TEKTL1: variants seen among roughly 807,000 people sequenced by gnomAD.
TEKTL1 encodes tektin-like protein 1.
At chr19:15,010,913 A>C in the TEKTL1 span, 1 of 1,574,932 alleles carries the variant, frequency 6.3e-7, no homozygotes, top group South Asian at 1.2e-5. Context: ...GGCCATGGCG[A>C]GGACCGCGCA....
chr19:15,013,845 C>T, the TEKTL1 span: 9 of 907,790 alleles, frequency 9.9e-6, no homozygotes, highest in African/African-American at 1.5e-4. Context: ...GGACAAACCA[C>T]TCTGACCTGG....
the TEKTL1 span, chr19:15,022,917 T>C: frequency 6.2e-7 from 1 of 1,606,964 alleles, no homozygotes; most frequent in Non-Finnish European, 8.5e-7. Flanking sequence ...GAAAAGAACC[T>C]GGACGAGCTG....
the TEKTL1 span, among the ~76,000 whole-genome samples, chr19:15,014,718 C>T: frequency 1.9e-5 from 1 of 51,742 alleles, no homozygotes; most frequent in African/African-American, 1.2e-4. Flanking sequence ...AGGCAGGAGA[C>T]TCAGTGGGGG....
the TEKTL1 span, chr19:15,011,082 A>T: frequency 2.5e-6 from 4 of 1,571,410 alleles, no homozygotes; most frequent in Non-Finnish European, 3.4e-6. Context: ...ACCTTGGAGA[A>T]GCCGCCGCCA....
chr19:15,014,730 GCGGGGGGC>G, the TEKTL1 span, among the ~76,000 whole-genome samples: 3 of 125,090 alleles, frequency 2.4e-5, no homozygotes, highest in African/African-American at 9.4e-5. Context: ...CAGTGGGGGG[GCGGGGGGC>G]GGGGGCTGCT....
the TEKTL1 span, chr19:15,023,041 CGAGCA>C: frequency 2.5e-6 from 4 of 1,611,852 alleles, no homozygotes; most frequent in Admixed American, 1.7e-5. Context: ...ACGTGTGCTA[CGAGCA>C]GGCGCAGCGC....
the TEKTL1 span, chr19:15,023,042 G>C: frequency 1.2e-5 from 20 of 1,612,094 alleles, no homozygotes; most frequent in Admixed American, 8.4e-5. Context: ...CGTGTGCTAC[G>C]AGCAGGCGCA....
At chr19:15,016,608 A>T in the TEKTL1 span, among the ~76,000 whole-genome samples, 1 of 152,210 alleles carries the variant, frequency 6.6e-6, no homozygotes, top group African/African-American at 2.4e-5. Context: ...TTTTTAACCA[A>T]ATGAATAAAT....
chr19:15,017,411 C>A, the TEKTL1 span, among the ~76,000 whole-genome samples: 1 of 152,196 alleles, frequency 6.6e-6, no homozygotes, highest in East Asian at 1.9e-4. Flanking sequence ...ATATAACTCT[C>A]AAATAATTGC....
chr19:15,020,726 G>A, the TEKTL1 span: 27 of 1,376,962 alleles, frequency 2.0e-5, no homozygotes, highest in Non-Finnish European at 2.3e-5. Flanking sequence ...AGTGCAGCCC[G>A]TCGCCCACTT....
At chr19:15,021,559 G>A in the TEKTL1 span, 1 of 1,613,548 alleles carries the variant, frequency 6.2e-7, no homozygotes. Flanking sequence ...GGGTGGGACA[G>A]GGGAGGAGAC....
the TEKTL1 span, chr19:15,020,728 C>A: frequency 7.3e-7 from 1 of 1,364,572 alleles, no homozygotes; most frequent in Non-Finnish European, 1.0e-6. Context: ...TGCAGCCCGT[C>A]GCCCACTTAG....
At chr19:15,018,732 A>ATATATATATATATATATATATAT in the TEKTL1 span, among the ~76,000 whole-genome samples, 56 of 78,510 alleles carry the variant, frequency 7.1e-4, 1 homozygote, top group Non-Finnish European at 9.3e-4. Flanking sequence ...ATATATATAT[A>ATATATATATATATATATATATAT]ACTTCCCTGG....
the TEKTL1 span, chr19:15,013,810 G>T: frequency 2.8e-6 from 4 of 1,429,098 alleles, no homozygotes; most frequent in Non-Finnish European, 2.9e-6. Flanking sequence ...TACGGGGGCT[G>T]GAGGGGGATC....
the TEKTL1 span, chr19:15,011,260 C>T: frequency 2.6e-6 from 4 of 1,515,544 alleles, no homozygotes; most frequent in African/African-American, 2.9e-5. Context: ...GCGCGCAGCA[C>T]CAGATTAACG....
the TEKTL1 span, chr19:15,013,672 G>T: frequency 4.3e-6 from 7 of 1,610,508 alleles, no homozygotes; most frequent in African/African-American, 8.0e-5. Context: ...CGTTTTCTAG[G>T]TCCCTGACAA....
At chr19:15,013,880 C>T in the TEKTL1 span, 3 of 692,984 alleles carry the variant, frequency 4.3e-6, no homozygotes, top group Non-Finnish European at 7.6e-6. Context: ...GCAATTCCTT[C>T]AAGCCACACT....
the TEKTL1 span, among the ~76,000 whole-genome samples, chr19:15,012,570 A>G: frequency 6.6e-6 from 1 of 151,828 alleles, no homozygotes; most frequent in Non-Finnish European, 1.5e-5. Context: ...AAACAAACAA[A>G]AAAAGATGAT....
chr19:15,014,296 C>G, the TEKTL1 span, among the ~76,000 whole-genome samples: 5 of 152,088 alleles, frequency 3.3e-5, no homozygotes, highest in Non-Finnish European at 7.4e-5. Context: ...GCCTTTTGGA[C>G]CTGTTAAGGT....
Sources: allele counts gnomAD v4.1 joint callset (sites outside exome capture counted in the v4.1 genomes callset), GRCh38; gene constraint gnomAD v4.1.1; transcripts MANE v1.5; gene names NCBI Gene and HGNC (gene_info 2026-07-23, HGNC 2026-07-21).